The following CYP3A7 variants were observed in gnomAD, a reference collection of about 807,000 sequenced individuals.
CYP3A7 encodes cytochrome P450 3A7.
CYP3A7 carries 45 observed loss-of-function variants against 55.2 expected under a neutral mutation model. The observed-to-expected ratio is 0.82, with a 90% CI of 0.64 to 1.05. The LOEUF (loss-of-function observed/expected upper bound fraction) is 1.05, where lower values mean the gene tolerates loss of function less well. CYP3A7 is among the 50% of genes least tolerant of loss of function. The pLI is 0.00. For synonymous variants in CYP3A7, 180 were observed against 207.4 expected (o/e 0.87, Z 1.13); for missense variants, 548 against 605.3 (o/e 0.91, Z 0.99).
chr7:99,705,396 G>T lies in CYP3A7; in HGVS notation c.*104C>A. On this transcript the variant is annotated 3_prime_UTR_variant, in exon 13 of 13. Transcript: ENST00000336374. ...TGATTATTTATGCAGCACATTGGATGAAGCCCGTCTTCATTTCAGGGTTCT... is the reference window on the plus strand; with the variant it reads ...TGATTATTTATGCAGCACATTGGATTAAGCCCGTCTTCATTTCAGGGTTCT... The T allele has an allele frequency of 7.7e-7, 1 of 1,292,290 alleles. No homozygotes were observed. Among genetic ancestry groups the T allele is most frequent in the Non-Finnish European group, 1.1e-6 (1 of 899,226 alleles). The allele number at this position is 1,292,290 out of a possible 1,614,324, so 80.1% of individuals were successfully genotyped here.
intron 9 of CYP3A7, among the ~76,000 whole-genome samples, chr7:99,711,314 A>G (rs1813740844): frequency 6.6e-6 from 1 of 152,202 alleles, no homozygotes; most frequent in Non-Finnish European, 1.5e-5. Flanking sequence ...ACCTTGACAA[A>G]CTTTGAGAGA....
At chr7:99,729,869 G>A (rs1298838675) in intron 2 of CYP3A7, among the ~76,000 whole-genome samples, 1 of 152,194 alleles carries the variant, frequency 6.6e-6, no homozygotes, top group Non-Finnish European at 1.5e-5. Flanking sequence ...GCACCCAAGT[G>A]ATTAAAAACA....
In CYP3A7 at chr7:99,717,601, A is replaced by G. The variant is rs746003497; in HGVS notation, c.357T>C (p.Ser119=). Residue 119 remains serine, a synonymous_variant, in exon 5 of 13, where the codon TCT becomes TCC. Coordinates refer to ENST00000336374, the MANE Select transcript of CYP3A7 (RefSeq NM_000765.5). ...GPVGFMKNAI[S]IAEDEEWKRI... The stretch of plus-strand genomic sequence containing the variant: ...TCTTCCATTCTTCATCCTCAGCTAT[A>G]GAGATGGCATTTTTCATAAATCCCA... 5 of 1,613,730 alleles carry G rather than the reference A, an allele frequency of 3.1e-6. No homozygotes were observed. In the South Asian group the frequency reaches 5.5e-5, roughly 18 times the overall value.
At chr7:99,707,462 A>G (rs1194370325) in intron 12 of CYP3A7, among the ~76,000 whole-genome samples, 1 of 152,218 alleles carries the variant, frequency 6.6e-6, no homozygotes, top group African/African-American at 2.4e-5. Flanking sequence ...AAGGAAGAGC[A>G]TCATTCAAAA....
At chr7:99,724,132 C>A (rs1348513153) in intron 2 of CYP3A7, among the ~76,000 whole-genome samples, 1 of 152,162 alleles carries the variant, frequency 6.6e-6, no homozygotes, top group African/African-American at 2.4e-5. Context: ...TTTCTCTGGG[C>A]TTGCCCCCTT....
rs1294381793 is a variant in CYP3A7 at position 99,707,981 on chromosome 7, C to A, written c.1254-7G>T. ...CTTGTTCTTTTTACTGAACCTGGTT[C>A]CATATTGGTAGATATTTTAAAAGTT... On this transcript the variant is annotated splice_region_variant and splice_polypyrimidine_tract_variant and intron_variant, in intron 11 of 12. Transcript: ENST00000336374. The A allele has an allele frequency of 6.2e-7, 1 of 1,613,674 alleles. No homozygotes were observed. Among genetic ancestry groups the A allele is most frequent in the Non-Finnish European group, 8.5e-7 (1 of 1,179,722 alleles).
chr7:99,730,966 G>T, intron 2 of CYP3A7, 93 bp downstream of exon 2: 1 of 1,507,538 alleles, frequency 6.6e-7, no homozygotes, highest in Non-Finnish European at 9.1e-7. Flanking sequence ...TAAAATCTCA[G>T]ACCTTCCTCT....
At chr7:99,730,904 G>C (rs1814587110) in intron 2 of CYP3A7, 155 bp downstream of exon 2, 2 of 963,488 alleles carry the variant, frequency 2.1e-6, no homozygotes. Context: ...GAGAGCCCCA[G>C]GGTAAACTTT....
At chr7:99,725,216 T>C (rs1814363127) in intron 2 of CYP3A7, among the ~76,000 whole-genome samples, 1 of 152,156 alleles carries the variant, frequency 6.6e-6, no homozygotes, top group African/African-American at 2.4e-5. Flanking sequence ...CATTAGATGC[T>C]TCACAGCCCT....
At position 99,720,317 on chromosome 7, in the gene CYP3A7, C is replaced by T. The variant is rs574715990; in HGVS notation, c.314G>A (p.Arg105Gln). ...VKECYSVFTNRRPFGPVGFMK... is the reference protein window; with the variant it reads ...VKECYSVFTNQRPFGPVGFMK... ...TTTCAAAAAATGGATGCTTACCCTCCGGTTTGTGAAGACAGAATAACATTC... is the reference window on the plus strand; with the variant it reads ...TTTCAAAAAATGGATGCTTACCCTCTGGTTTGTGAAGACAGAATAACATTC... Residue 105 changes from arginine to glutamine, a missense_variant, in exon 4 of 13, where the codon CGG (arginine) becomes CAG (glutamine). Coordinates refer to ENST00000336374, the MANE Select transcript of CYP3A7 (RefSeq NM_000765.5). 2.9e-5 allele frequency: 46 copies of T among 1,612,662 alleles called. No individual in the cohort carries two copies. Among genetic ancestry groups the T allele is most frequent in the African/African-American group, 2.1e-4 (16 of 74,970 alleles).
chr7:99,714,243 G>A (rs772166084), intron 8 of CYP3A7, among the ~76,000 whole-genome samples: 4 of 152,170 alleles, frequency 2.6e-5, no homozygotes. Context: ...AAACAGTAAT[G>A]TTTATCCTTT....
In CYP3A7 at chr7:99,713,531, C is replaced by T. The variant is rs780039093; in HGVS notation, c.803G>A (p.Arg268Gln). 6.2e-6 allele frequency: 10 copies of T among 1,613,216 alleles called. No homozygotes were observed. In the East Asian group the frequency reaches 1.6e-4, roughly 25 times the overall value. ...EGRLKETQKH[R>Q]VDFLQLMIDS... ...AATCATCAGCTGAAGGAAATCCACT[C>T]GGTGCTAGAAGCAAAAAGAGAAATT... Residue 268 changes from arginine (R) to glutamine (Q), a missense_variant, in exon 9 of 13, where the codon CGA becomes CAA. By Grantham distance (43) the Arg-to-Gln change is conservative. Coordinates refer to ENST00000336374, the MANE Select transcript of CYP3A7 (RefSeq NM_000765.5).
intron 10 of CYP3A7, 63 bp from the exon 11 acceptor site, chr7:99,709,324 A>C: frequency 6.4e-7 from 1 of 1,571,460 alleles, no homozygotes; most frequent in Admixed American, 1.9e-5. Context: ...AACTCAGTCC[A>C]TGTAGTACTG....
intron 2 of CYP3A7, 38 bp downstream of exon 2, chr7:99,731,021 A>G: frequency 1.2e-6 from 2 of 1,610,890 alleles, no homozygotes; most frequent in Non-Finnish European, 1.7e-6. Context: ...GCTCTTTGCA[A>G]TCATAAGAAG....
intron 6 of CYP3A7, among the ~76,000 whole-genome samples, 190 bp from the exon 7 acceptor site, chr7:99,716,096 C>T (rs1316481033): frequency 1.8e-4 from 28 of 152,170 alleles, no homozygotes; most frequent in Admixed American, 1.8e-3. Context: ...ACACAGCTGG[C>T]TCTCCGCTGG....
intron 4 of CYP3A7, among the ~76,000 whole-genome samples, chr7:99,718,929 T>C (rs908325799): frequency 3.9e-5 from 6 of 152,200 alleles, no homozygotes; most frequent in Non-Finnish European, 8.8e-5. Flanking sequence ...TGAAATACTT[T>C]AGCTGTAAAT....
rs1054530883 is a variant in CYP3A7, at chr7:99,705,359, G to A, written c.*141C>T. The A allele has an allele frequency of 1.8e-5, 17 of 953,450 alleles. No individual in the cohort carries two copies. Among genetic ancestry groups the A allele is most frequent in the African/African-American group, 4.9e-5 (3 of 61,388 alleles). 59.1% of individuals were successfully genotyped at this position (953,450 alleles called of 1,614,324 possible). A position where few individuals can be genotyped will look rare whatever the true frequency, so the allele number is the denominator to read the frequency against. On this transcript the variant is annotated 3_prime_UTR_variant, in exon 13 of 13. Transcript: ENST00000336374. ...CAGACCATGAGAGAGCACAATGCAC[G>A]TACAGAATCCCTGATTATTTATGCA...
chr7:99,715,643 C>T, intron 7 of CYP3A7, 115 bp downstream of exon 7: 1 of 1,555,250 alleles, frequency 6.4e-7, no homozygotes, highest in Non-Finnish European at 8.8e-7. Context: ...TTCAAATGTA[C>T]TACAAACCAT....
chr7:99,733,433 G>A (rs1814704791), intron 1 of CYP3A7, among the ~76,000 whole-genome samples: 2 of 152,180 alleles, frequency 1.3e-5, no homozygotes, highest in Non-Finnish European at 2.9e-5. Context: ...ACAATGAAGA[G>A]GCTAACAGAA....
Sources: allele counts gnomAD v4.1 joint callset (sites outside exome capture counted in the v4.1 genomes callset), GRCh38; gene constraint gnomAD v4.1.1; transcripts MANE v1.5; gene names NCBI Gene and HGNC (gene_info 2026-07-23, HGNC 2026-07-21).